Variants in SULT6B1 observed in about 807,000 individuals in gnomAD.
SULT6B1 encodes the protein sulfotransferase 6B1.
SULT6B1 carries 44 observed loss-of-function variants against 37.2 expected under a neutral mutation model. That is an observed-to-expected ratio of 1.18 (90% CI 0.93 to 1.52). The LOEUF is 1.52. Among genes scored for constraint, SULT6B1 ranks in the 40% most tolerant of loss-of-function variants. The probability of loss-of-function intolerance (pLI) is 0.00; values close to 1 mark genes in which losing one functional copy is unlikely to be tolerated. For missense variants in SULT6B1, 450 were observed against 361.0 expected, an observed-to-expected ratio of 1.25 and a Z score of -2.00; for synonymous variants, 140 against 126.0, an observed-to-expected ratio of 1.11 and a Z score of -0.74.
At chr2:37,178,575 G>A (rs899428185) in intron 4 of SULT6B1, among the ~76,000 whole-genome samples, 5 of 151,726 alleles carry the variant, frequency 3.3e-5, no homozygotes, top group African/African-American at 1.2e-4. Context: ...GTACAATGGG[G>A]CTAATACCAC....
intron 2 of SULT6B1, among the ~76,000 whole-genome samples, chr2:37,184,273 T>C (rs879456293): frequency 8.5e-5 from 13 of 152,208 alleles, no homozygotes; most frequent in Admixed American, 8.5e-4. Flanking sequence ...GCTAAAACTC[T>C]AGGCAATAAA....
chr2:37,189,211 C>T (rs190540624), upstream of SULT6B1, among the ~76,000 whole-genome samples: 8 of 152,320 alleles, frequency 5.3e-5, no homozygotes, highest in East Asian at 1.5e-3. Context: ...TTGTGTTACT[C>T]TGAGCTAATG....
chr2:37,189,163 A>G (rs1351266587), upstream of SULT6B1, among the ~76,000 whole-genome samples: 5 of 152,222 alleles, frequency 3.3e-5, no homozygotes, highest in Non-Finnish European at 7.4e-5. Context: ...CACAAGTCTA[A>G]AGACCTGAGT....
At chr2:37,188,016 C>A (rs2148300083) in intron 1 of SULT6B1, among the ~76,000 whole-genome samples, 1 of 152,220 alleles carries the variant, frequency 6.6e-6, no homozygotes, top group Middle Eastern at 3.4e-3. Context: ...ACTGATGGAG[C>A]AATATTTGAT....
At chr2:37,176,486 C>T (rs1014451606) in intron 4 of SULT6B1, among the ~76,000 whole-genome samples, 1 of 151,956 alleles carries the variant, frequency 6.6e-6, no homozygotes, top group Non-Finnish European at 1.5e-5. Context: ...TCTTGAACTC[C>T]TGACTTCAGG....
chr2:37,190,936 G>C (rs113518355), upstream of SULT6B1, among the ~76,000 whole-genome samples: 2,219 of 152,122 alleles, frequency 0.015, 27 homozygotes, highest in African/African-American at 0.036. Context: ...TTAGCTTCTG[G>C]AATTTTTTAA....
rs569605921 is a variant in SULT6B1 at position 37,184,909 on chromosome 2, C to T, written c.313-1395G>A. On this transcript the variant is annotated intron_variant, in intron 2 of 6. Coordinates refer to ENST00000535679, the MANE Select transcript of SULT6B1 (RefSeq NM_001367551.1). ...AAAAAATGAAATTTTAAAAATAAAA[C>T]GCACTTTAAATCAATGATATGGATC... Among the ~76,000 whole-genome samples the T allele has an allele frequency of 2.2e-3, 329 of 151,622 alleles. 2 individuals carry two copies. The highest frequency in any genetic ancestry group is 7.2e-3 in the African/African-American group (298 of 41,378).
intron 2 of SULT6B1, 23 bp from the exon 3 acceptor site, chr2:37,183,537 T>C: frequency 6.3e-7 from 1 of 1,582,618 alleles, no homozygotes; most frequent in Non-Finnish European, 8.7e-7. Context: ...CACAAAAAGG[T>C]GAAAATGTGC....
At chr2:37,168,852 TGAA>T (rs1403365300) in intron 6 of SULT6B1, among the ~76,000 whole-genome samples, 4 of 152,230 alleles carry the variant, frequency 2.6e-5, no homozygotes, top group Non-Finnish European at 5.9e-5. Flanking sequence ...TCATTTAGGT[TGAA>T]GTTGTAAGTT....
chr2:37,173,057 T>G (rs1185813815), intron 5 of SULT6B1, among the ~76,000 whole-genome samples: 2 of 151,404 alleles, frequency 1.3e-5, no homozygotes, highest in Admixed American at 6.6e-5. Flanking sequence ...TTCACTGTGT[T>G]GGTCAGGCTT....
chr2:37,190,285 T>C (rs529610494), upstream of SULT6B1, among the ~76,000 whole-genome samples: 2 of 152,260 alleles, frequency 1.3e-5, no homozygotes, highest in East Asian at 1.9e-4. Context: ...TTTCTTCTTA[T>C]GCTTCTTCCA....
intron 5 of SULT6B1, 55 bp downstream of exon 5, chr2:37,175,077 C>T (rs972875628): frequency 7.7e-5 from 78 of 1,018,672 alleles, no homozygotes; most frequent in Non-Finnish European, 9.4e-5. Flanking sequence ...TAAGTAAGTG[C>T]TCTACGTTGT....
At chr2:37,189,598 G>T (rs1174400602), upstream of SULT6B1, among the ~76,000 whole-genome samples, 1 of 152,180 alleles carries the variant, frequency 6.6e-6, no homozygotes, top group South Asian at 2.1e-4. Flanking sequence ...CATGTGCAGT[G>T]TGTTTAGGAA....
chr2:37,181,772 C>CT (rs1676555884), intron 3 of SULT6B1, among the ~76,000 whole-genome samples: 2 of 152,170 alleles, frequency 1.3e-5, no homozygotes, highest in Admixed American at 1.3e-4. Context: ...TTATAAATTA[C>CT]TTCAGCTCTG....
upstream of SULT6B1, among the ~76,000 whole-genome samples, chr2:37,190,348 G>GT: frequency 6.6e-6 from 1 of 152,134 alleles, no homozygotes; most frequent in Non-Finnish European, 1.5e-5. Context: ...CTTAACCAAT[G>GT]TTAACCAGTG....
chr2:37,185,614 A>G (rs1409719390), intron 2 of SULT6B1, among the ~76,000 whole-genome samples: 2 of 149,426 alleles, frequency 1.3e-5, no homozygotes, highest in Non-Finnish European at 3.0e-5. Context: ...GCTACTCGAG[A>G]GGCTGAGGCA....
chr2:37,185,091 T>A (rs941359952), intron 2 of SULT6B1, among the ~76,000 whole-genome samples: 9 of 152,190 alleles, frequency 5.9e-5, no homozygotes, highest in Non-Finnish European at 1.0e-4. Flanking sequence ...AAGCACTTTG[T>A]GCAAAATTGC....
chr2:37,193,131 C>T (rs1355094700), upstream of SULT6B1, among the ~76,000 whole-genome samples: 1 of 151,980 alleles, frequency 6.6e-6, no homozygotes, highest in Non-Finnish European at 1.5e-5. Flanking sequence ...TGGCTCAAGC[C>T]CCAGAGGCAG....
intron 2 of SULT6B1, 98 bp from the exon 3 acceptor site, chr2:37,183,612 T>C: frequency 2.3e-6 from 2 of 860,956 alleles, no homozygotes; most frequent in Non-Finnish European, 3.8e-6. Flanking sequence ...TGATAGTTTC[T>C]AGCACTACTG....
Sources: gnomAD v4.1 joint callset for allele counts (sites outside exome capture counted in the v4.1 genomes callset) on GRCh38, gnomAD v4.1.1 for gene constraint, MANE v1.5 for transcripts, NCBI Gene and HGNC (gene_info 2026-07-23, HGNC 2026-07-21) for gene names.